Variants in CATSPERD observed in about 807,000 individuals in gnomAD.
CATSPERD encodes the protein cation channel sperm-associated auxiliary subunit delta.
In CATSPERD, 86 loss-of-function variants were observed where a neutral mutation model predicts 98.1. The ratio of observed to expected loss-of-function variants is 0.88; its 90% CI spans 0.74 to 1.05. The LOEUF is 1.05. CATSPERD is among the 50% of genes least tolerant of loss of function. The pLI is 0.00. For synonymous variants in CATSPERD, 394 were observed against 390.2 expected, an observed-to-expected ratio of 1.01 and a Z score of -0.12; for missense variants, 995 against 1,005.7, an observed-to-expected ratio of 0.99 and a Z score of 0.14.
At chr19:5,754,587 G>C (rs374317161) in intron 13 of CATSPERD, among the ~76,000 whole-genome samples, 9 of 151,898 alleles carry the variant, frequency 5.9e-5, no homozygotes, top group African/African-American at 1.9e-4. Flanking sequence ...TAGTGGAGAC[G>C]GGGTTCCCCC....
At position 5,745,943 on chromosome 19, in the gene CATSPERD, A is replaced by T; in HGVS notation, c.688A>T (p.Asn230Tyr). ...GTTCAAGTACTCAGATCACCCCCTC[A>T]ACCGGAGTTTCGGGCTGTCTTTTGA... ...GMFKYSDHPL[N>Y]RSFGLSFDYN... Residue 230 changes from asparagine to tyrosine, a missense_variant, in exon 9 of 22, where the codon AAC (asparagine) becomes TAC (tyrosine). Transcript: ENST00000381624. The T allele has an allele frequency of 6.2e-7, 1 of 1,614,082 alleles. No homozygotes were observed. Among genetic ancestry groups the T allele is most frequent in the African/African-American group, 1.3e-5 (1 of 75,030 alleles).
Position 5,771,031 on chromosome 19 carries a change from C to T in CATSPERD, c.1722C>T (p.Leu574=). 2 of 1,614,098 alleles carry T rather than the reference C, an allele frequency of 1.2e-6. No individual in the cohort carries two copies. The highest frequency in any genetic ancestry group is 1.7e-6 in the Non-Finnish European group (2 of 1,180,000). ...FYSYQQLGCP[L]LVYYDTLWKP... is the part of the protein sequence containing the mutation. ...CCTACCAGCAGCTGGGCTGTCCTCTCCTCGTCTACTATGACACCCTATGGA... is the reference window on the plus strand; with the variant it reads ...CCTACCAGCAGCTGGGCTGTCCTCTTCTCGTCTACTATGACACCCTATGGA... Residue 574 remains leucine, a synonymous_variant, in exon 19 of 22, where the codon CTC becomes CTT. Transcript: ENST00000381624.
intron 2 of CATSPERD, among the ~76,000 whole-genome samples, chr19:5,726,816 G>A (rs2485255): frequency 0.8 from 121,717 of 152,204 alleles, 48,769 homozygotes; most frequent in Admixed American, 0.87. Context: ...ATCATAGTAC[G>A]AGGTCAAAAC....
intron 19 of CATSPERD, 60 bp from the exon 20 acceptor site, chr19:5,772,728 C>G (rs2056672609): frequency 1.9e-6 from 3 of 1,544,480 alleles, no homozygotes; most frequent in Non-Finnish European, 1.8e-6. Context: ...TGGCTGTGGC[C>G]CGGGTCTTCC....
At chr19:5,721,985 GA>G (rs747988086) in intron 1 of CATSPERD, among the ~76,000 whole-genome samples, 2,742 of 111,590 alleles carry the variant, frequency 0.025, 33 homozygotes, top group African/African-American at 0.037. Flanking sequence ...TGTCTCAAAG[GA>G]AAAAAAAAAA....
At chr19:5,728,131 G>C (rs1391967438) in intron 3 of CATSPERD, among the ~76,000 whole-genome samples, 1 of 151,518 alleles carries the variant, frequency 6.6e-6, no homozygotes, top group Non-Finnish European at 1.5e-5. Flanking sequence ...AGGCCGAGGT[G>C]GGGGGATCAC....
At position 5,722,278 on chromosome 19, in the gene CATSPERD, C is replaced by A. The variant is rs114279637; in HGVS notation, c.71+1470C>A. Among the ~76,000 whole-genome samples, 1,228 of 152,198 alleles carry A rather than the reference C, an allele frequency of 8.1e-3. 20 individuals carry two copies. The highest frequency in any genetic ancestry group is 0.028 in the African/African-American group (1,150 of 41,520). ...TTGGGATTATGGGCGCCTGCCACCACGTGCAGCTAATTTTTTGTGTTTTTA... is the reference window on the plus strand; with the variant it reads ...TTGGGATTATGGGCGCCTGCCACCAAGTGCAGCTAATTTTTTGTGTTTTTA... On this transcript the variant is annotated intron_variant, in intron 1 of 21. Transcript: ENST00000381624.
At chr19:5,764,564 G>A (rs1264833098) in intron 16 of CATSPERD, among the ~76,000 whole-genome samples, 1 of 151,526 alleles carries the variant, frequency 6.6e-6, no homozygotes, top group Admixed American at 6.6e-5. Context: ...TGATCCGCCC[G>A]CCTCAGCTTC....
intron 12 of CATSPERD, among the ~76,000 whole-genome samples, chr19:5,753,925 G>T (rs2056273588): frequency 6.6e-6 from 1 of 152,022 alleles, no homozygotes; most frequent in African/African-American, 2.4e-5. Context: ...GTCAGGGTTG[G>T]GGAATACTTC....
intron 18 of CATSPERD, 126 bp downstream of exon 18, chr19:5,768,368 C>T (rs1025773349): frequency 1.0e-4 from 53 of 527,048 alleles, no homozygotes; most frequent in Non-Finnish European, 1.2e-4. Context: ...GATGGAGTCT[C>T]GCCTGTCGCC....
intron 1 of CATSPERD, among the ~76,000 whole-genome samples, chr19:5,724,578 A>G (rs554302306): frequency 6.6e-6 from 1 of 152,286 alleles, no homozygotes; most frequent in South Asian, 2.1e-4. Flanking sequence ...GCGCGCCTGT[A>G]ATCCCAGCTA....
intron 1 of CATSPERD, among the ~76,000 whole-genome samples, chr19:5,722,730 A>AC (rs34338163): frequency 0.013 from 1,783 of 140,010 alleles, 15 homozygotes; most frequent in Non-Finnish European, 0.017. Flanking sequence ...GTTTATCAAG[A>AC]CCCCCCCCCC....
rs574758974 is a variant in CATSPERD, at chr19:5,742,743, C to T, written c.574-1684C>T. 2.6e-5 allele frequency among the ~76,000 whole-genome samples: 4 copies of T among 152,140 alleles called. 1 individual carries two copies. The East Asian group carries it at 7.7e-4, about 29-fold the overall frequency. On this transcript the variant is annotated intron_variant, in intron 7 of 21. Coordinates refer to ENST00000381624, the MANE Select transcript of CATSPERD (RefSeq NM_152784.4). Reference sequence around the variant, plus strand: ...GACTGACGCTACAGTGGGGTGTGATCGTGCCACTGCACTCTAGCCTGGGGG... The same window carrying T: ...GACTGACGCTACAGTGGGGTGTGATTGTGCCACTGCACTCTAGCCTGGGGG...
intron 20 of CATSPERD, among the ~76,000 whole-genome samples, chr19:5,773,968 C>CT (rs71172771): frequency 0.67 from 80,487 of 120,328 alleles, 29,009 homozygotes; most frequent in East Asian, 0.79. Context: ...TTTGCATTTG[C>CT]TTTTTTTTTT....
In CATSPERD at chr19:5,757,926, C is replaced by T. The variant is rs372114709; in HGVS notation, c.1362C>T (p.Tyr454=). The change falls in exon 14 of 22, where the codon TAC becomes TAT. Residue 454 remains tyrosine (Y), a synonymous_variant. Transcript: ENST00000381624. ...ACACATCAGATGGGAACACCAAGTACAAACTGGTGAGCCGCGTCCCCACCA... is the reference window on the plus strand; with the variant it reads ...ACACATCAGATGGGAACACCAAGTATAAACTGGTGAGCCGCGTCCCCACCA... ...NGYTSDGNTK[Y]KLDIFLKQQQ... is the part of the protein sequence containing the mutation. 29 of 1,611,594 alleles carry T rather than the reference C, an allele frequency of 1.8e-5. No homozygotes were observed. The highest frequency in any genetic ancestry group is 1.7e-6 in the Non-Finnish European group (2 of 1,179,088).
chr19:5,724,994 G>C, intron 2 of CATSPERD, 132 bp downstream of exon 2: 1 of 824,068 alleles, frequency 1.2e-6, no homozygotes. Flanking sequence ...AGTCTTTACA[G>C]TTCTTTCCCC....
intron 9 of CATSPERD, among the ~76,000 whole-genome samples, chr19:5,746,712 C>T (rs552153976): frequency 2.8e-4 from 43 of 152,070 alleles, no homozygotes; most frequent in Non-Finnish European, 5.4e-4. Context: ...GGATTACAGG[C>T]GTGAGCCACC....
Position 5,720,652 on chromosome 19 carries a change from C to T in CATSPERD, c.-86C>T, listed in dbSNP as rs1476082350. On this transcript the variant is annotated 5_prime_UTR_variant, in exon 1 of 22. Transcript: ENST00000381624. ...CCCGGGACTCATTGATGCGCATGCGCAGGGCTTCAGCCTGCACGTACTCGG... is the reference window on the plus strand; with the variant it reads ...CCCGGGACTCATTGATGCGCATGCGTAGGGCTTCAGCCTGCACGTACTCGG... 7.4e-7 allele frequency: 1 copy of T among 1,342,784 alleles called. No individual in the cohort carries two copies. The highest frequency in any genetic ancestry group is 1.2e-5 in the South Asian group (1 of 81,444). 83.2% of individuals were successfully genotyped at this position (1,342,784 alleles called of 1,614,324 possible).
intron 15 of CATSPERD, among the ~76,000 whole-genome samples, chr19:5,760,329 G>A (rs1243138068): frequency 6.6e-6 from 1 of 151,440 alleles, no homozygotes; most frequent in African/African-American, 2.4e-5. Context: ...AACCCGGGAG[G>A]CAGAGGTTTC....
Sources: allele counts gnomAD v4.1 joint callset (sites outside exome capture counted in the v4.1 genomes callset), GRCh38; gene constraint gnomAD v4.1.1; transcripts MANE v1.5; gene names NCBI Gene and HGNC (gene_info 2026-07-23, HGNC 2026-07-21).